The following ATF6 variants were observed in gnomAD, a reference collection of about 807,000 sequenced individuals.
ATF6 encodes activating transcription factor 6.
Under a neutral mutation model 83.6 loss-of-function variants are expected in ATF6, and 53 were observed. The observed-to-expected ratio is 0.63, with a 90% CI of 0.51 to 0.80. The LOEUF is 0.80. Ranked by LOEUF, ATF6 falls within the 30% of genes least tolerant of loss-of-function variation. The pLI, the probability that ATF6 is intolerant of heterozygous loss-of-function variation, is 0.00. For synonymous variants in ATF6, 288 were observed against 285.8 expected (o/e 1.01, Z -0.08); for missense variants, 744 against 797.9 (o/e 0.93, Z 0.81).
intron 1 of ATF6, among the ~76,000 whole-genome samples, chr1:161,772,904 A>T (rs1684422286): frequency 6.9e-6 from 1 of 145,448 alleles, no homozygotes; most frequent in African/African-American, 2.6e-5. Flanking sequence ...CTAGTTTTTT[A>T]TTTCTCCTTG....
At chr1:161,949,629 C>T (rs1460746695) in intron 15 of ATF6, among the ~76,000 whole-genome samples, 2 of 152,184 alleles carry the variant, frequency 1.3e-5, no homozygotes, top group Non-Finnish European at 2.9e-5. Flanking sequence ...GCTGCCTCTA[C>T]TCACAGCAGA....
intron 14 of ATF6, among the ~76,000 whole-genome samples, chr1:161,898,654 TCTC>T (rs1198816871): frequency 2.0e-5 from 3 of 152,170 alleles, no homozygotes; most frequent in Non-Finnish European, 4.4e-5. Flanking sequence ...TTCAAGCAAT[TCTC>T]CTGCCTTAGC....
chr1:161,904,690 T>G (rs1687850332), intron 14 of ATF6, among the ~76,000 whole-genome samples: 1 of 151,972 alleles, frequency 6.6e-6, no homozygotes, highest in African/African-American at 2.4e-5. Context: ...CTATTTATGA[T>G]GAAAGAAAAC....
At chr1:161,787,925 G>A (rs959923019) in intron 4 of ATF6, among the ~76,000 whole-genome samples, 3 of 152,142 alleles carry the variant, frequency 2.0e-5, no homozygotes, top group Non-Finnish European at 4.4e-5. Flanking sequence ...GTGTTTTTAA[G>A]ATAAATTCCT....
intron 7 of ATF6, among the ~76,000 whole-genome samples, chr1:161,804,853 T>C (rs866403678): frequency 1.3e-5 from 2 of 152,156 alleles, no homozygotes; most frequent in Non-Finnish European, 2.9e-5. Context: ...AGACTGTGTC[T>C]GTTCAGCTTT....
At chr1:161,849,622 C>T (rs912414278) in intron 10 of ATF6, among the ~76,000 whole-genome samples, 3 of 152,046 alleles carry the variant, frequency 2.0e-5, no homozygotes, top group African/African-American at 7.2e-5. Flanking sequence ...TCACAGTAAT[C>T]TTTGTGGGCT....
intron 14 of ATF6, among the ~76,000 whole-genome samples, chr1:161,888,359 T>G (rs4147178): frequency 0.12 from 18,139 of 152,204 alleles, 1,638 homozygotes; most frequent in East Asian, 0.32. Flanking sequence ...TAATCTTTTA[T>G]AGCCAAAGTT....
intron 15 of ATF6, among the ~76,000 whole-genome samples, chr1:161,949,563 T>C (rs1486052256): frequency 6.6e-6 from 1 of 152,198 alleles, no homozygotes; most frequent in Non-Finnish European, 1.5e-5. Context: ...AGCTCACGGT[T>C]CTGCAGGCTG....
At chr1:161,877,022 T>G (rs1202204642) in intron 14 of ATF6, among the ~76,000 whole-genome samples, 1 of 152,094 alleles carries the variant, frequency 6.6e-6, no homozygotes, top group Non-Finnish European at 1.5e-5. Flanking sequence ...GTATACATTC[T>G]TCTTTGTTGT....
chr1:161,806,519 A>C (rs533780516), intron 7 of ATF6, among the ~76,000 whole-genome samples: 1 of 152,344 alleles, frequency 6.6e-6, no homozygotes, highest in African/African-American at 2.4e-5. Context: ...TAATGGAAAG[A>C]AAAGTATCCA....
chr1:161,862,583 G>A (rs1686907667), intron 13 of ATF6, among the ~76,000 whole-genome samples: 1 of 150,744 alleles, frequency 6.6e-6, no homozygotes, highest in Admixed American at 6.8e-5. Context: ...TATGGGACAG[G>A]ATCCATGCTT....
chr1:161,896,176 C>T (rs749594744), intron 14 of ATF6, among the ~76,000 whole-genome samples: 19 of 152,176 alleles, frequency 1.2e-4, no homozygotes, highest in Non-Finnish European at 1.8e-4. Context: ...GGCACAATCT[C>T]GGCTCACTGC....
At chr1:161,833,559 A>T (rs1404531173) in intron 9 of ATF6, among the ~76,000 whole-genome samples, 1 of 152,238 alleles carries the variant, frequency 6.6e-6, no homozygotes, top group Admixed American at 6.5e-5. Context: ...AGAAGTCCTT[A>T]AAGGACCTGA....
At chr1:161,795,637 C>T (rs1490143164) in intron 6 of ATF6, among the ~76,000 whole-genome samples, 5 of 152,242 alleles carry the variant, frequency 3.3e-5, no homozygotes, top group African/African-American at 1.2e-4. Context: ...GGCATTGAAT[C>T]CAGCCATGTT....
chr1:161,782,105 A>C, intron 3 of ATF6, 106 bp downstream of exon 3: 1 of 718,616 alleles, frequency 1.4e-6, no homozygotes, highest in East Asian at 2.8e-5. Context: ...TGGTAGGTTA[A>C]AAGATTCCTG....
At position 161,961,506 on chromosome 1, in the gene ATF6, G is replaced by A. The variant is rs1689098073; in HGVS notation, c.*2852G>A. On this transcript the variant is annotated 3_prime_UTR_variant, in exon 16 of 16. Coordinates refer to ENST00000367942, the MANE Select transcript of ATF6 (RefSeq NM_007348.4). ...TAATTAATCCCTAGGCACAATTGTA[G>A]TTTTTATTTTAATGTTTGTATGCAC... 1 of 151,524 alleles carries A rather than the reference G, an allele frequency of 6.6e-6. No homozygotes were observed. Among genetic ancestry groups the A allele is most frequent in the Non-Finnish European group, 1.5e-5 (1 of 68,000 alleles). 9.4% of individuals were successfully genotyped at this position (151,524 alleles called of 1,614,324 possible).
intron 4 of ATF6, among the ~76,000 whole-genome samples, chr1:161,787,765 T>A (rs1684777409): frequency 6.6e-6 from 1 of 152,254 alleles, no homozygotes; most frequent in South Asian, 2.1e-4. Flanking sequence ...AATCCAATTT[T>A]ATGTTTTTCC....
intron 1 of ATF6, 64 bp from the exon 2 acceptor site, chr1:161,778,180 T>C: frequency 1.5e-6 from 2 of 1,360,666 alleles, no homozygotes; most frequent in Non-Finnish European, 2.1e-6. Flanking sequence ...AGGGACACAG[T>C]GCTTGTTTCT....
chr1:161,815,484 A>C (rs1361003888), intron 7 of ATF6, among the ~76,000 whole-genome samples: 1 of 151,340 alleles, frequency 6.6e-6, no homozygotes, highest in Non-Finnish European at 1.5e-5. Context: ...AGCCACCACT[A>C]CTGGCTCCTA....
Sources: gnomAD v4.1 joint callset for allele counts (sites outside exome capture counted in the v4.1 genomes callset) on GRCh38, gnomAD v4.1.1 for gene constraint, MANE v1.5 for transcripts, NCBI Gene and HGNC (gene_info 2026-07-23, HGNC 2026-07-21) for gene names.